The following TMEM131 variants were observed in gnomAD, a reference collection of about 807,000 sequenced individuals.
The protein encoded by TMEM131 is transmembrane protein 131.
A neutral mutation model predicts 211.6 loss-of-function variants in TMEM131; 66 were observed. The ratio of observed to expected loss-of-function variants is 0.31; its 90% confidence interval spans 0.26 to 0.38. The LOEUF (loss-of-function observed/expected upper bound fraction) is 0.38, where lower values mean the gene tolerates loss of function less well. Among genes scored for constraint, TMEM131 ranks in the 10% least tolerant of loss-of-function variants. The pLI is 1.00. For synonymous variants in TMEM131, 844 were observed against 841.3 expected (o/e 1.00, Z -0.06); for missense variants, 2,036 against 2,299.3 (o/e 0.89, Z 2.34).
chr2:97,788,575 G>A (rs1425527440), intron 31 of TMEM131, among the ~76,000 whole-genome samples: 9 of 152,032 alleles, frequency 5.9e-5, no homozygotes, highest in East Asian at 1.9e-4. Flanking sequence ...ACTGGGTCTC[G>A]GCCCACTCCA....
intron 25 of TMEM131, among the ~76,000 whole-genome samples, chr2:97,799,119 C>T (rs924750863): frequency 2.6e-5 from 4 of 151,754 alleles, no homozygotes; most frequent in Admixed American, 1.3e-4. Context: ...TACCGATAGA[C>T]GTTATTTGTC....
At chr2:97,908,145 GA>G (rs1178910300) in intron 3 of TMEM131, among the ~76,000 whole-genome samples, 1 of 152,196 alleles carries the variant, frequency 6.6e-6, no homozygotes, top group African/African-American at 2.4e-5. Context: ...GAGGAGGCAG[GA>G]AAAGTGTCTC....
chr2:97,976,960 C>CAA (rs34708023), intron 1 of TMEM131, among the ~76,000 whole-genome samples: 39,756 of 111,516 alleles, frequency 0.36, 6,914 homozygotes, highest in Middle Eastern at 0.44. Context: ...TATTTATATG[C>CAA]AAAAAAAAAA....
chr2:97,957,750 G>A (rs955941073), intron 1 of TMEM131, among the ~76,000 whole-genome samples: 6 of 152,184 alleles, frequency 3.9e-5, no homozygotes, highest in Admixed American at 6.5e-5. Context: ...TGGCTGCCAA[G>A]TATGTTGACA....
intron 1 of TMEM131, among the ~76,000 whole-genome samples, chr2:97,992,477 A>C (rs1311479116): frequency 6.6e-6 from 1 of 152,212 alleles, no homozygotes; most frequent in Non-Finnish European, 1.5e-5. Context: ...AATTAATAAA[A>C]CATGTGACAA....
chr2:97,952,774 G>A (rs1678381574), intron 1 of TMEM131, among the ~76,000 whole-genome samples: 1 of 152,130 alleles, frequency 6.6e-6, no homozygotes, highest in Admixed American at 6.5e-5. Context: ...AGCTACTCAG[G>A]AGGCTGAGGT....
chr2:97,760,594 T>C lies in TMEM131; in HGVS notation c.5107A>G (p.Ser1703Gly). ...GCGGTTAGTGGTGGTCTACCGTACC[T>C]GTCTGAGCCATCGCTGTCAACAGGA... ...HAPVDSDGSD[S>G]SGLWSPVSNP... The change falls in exon 38 of 41, where the codon AGC (serine) becomes GGC (glycine). Residue 1703 changes from serine (S) to glycine (G), a missense_variant and splice_region_variant. Physicochemically the swap from Ser to Gly is moderately conservative, Grantham distance 56 (BLOSUM62 0). This residue lies in a region of TMEM131 where 1,623 missense variants were observed against 1,805.9 expected (regional missense o/e 0.90). Coordinates refer to ENST00000186436, the MANE Select transcript of TMEM131 (RefSeq NM_015348.2). 1.2e-6 allele frequency: 2 copies of C among 1,609,564 alleles called. No individual in the cohort carries two copies. The highest frequency in any genetic ancestry group is 1.7e-6 in the Non-Finnish European group (2 of 1,177,784).
At chr2:97,900,943 T>C (rs1675827450) in intron 3 of TMEM131, among the ~76,000 whole-genome samples, 2 of 152,174 alleles carry the variant, frequency 1.3e-5, no homozygotes, top group African/African-American at 4.8e-5. Flanking sequence ...CATCTTTGTT[T>C]TGATTAGCAT....
At chr2:97,778,632 G>A (rs1422749966) in intron 31 of TMEM131, among the ~76,000 whole-genome samples, 1 of 152,020 alleles carries the variant, frequency 6.6e-6, no homozygotes, top group African/African-American at 2.4e-5. Context: ...TCAATATGCA[G>A]TCCTTCGACT....
intron 19 of TMEM131, among the ~76,000 whole-genome samples, chr2:97,809,407 C>T (rs1019152473): frequency 2.0e-5 from 3 of 152,150 alleles, no homozygotes; most frequent in Non-Finnish European, 4.4e-5. Flanking sequence ...ATCAGTGAGA[C>T]GTGTATTTCC....
At chr2:97,847,854 C>T (rs1176036698) in intron 5 of TMEM131, among the ~76,000 whole-genome samples, 6 of 151,938 alleles carry the variant, frequency 3.9e-5, no homozygotes, top group Non-Finnish European at 7.4e-5. Flanking sequence ...GAGAGTATTA[C>T]TTTTCTGTAC....
chr2:97,951,979 A>G (rs1290617591), intron 1 of TMEM131, among the ~76,000 whole-genome samples: 2 of 152,230 alleles, frequency 1.3e-5, no homozygotes, highest in Non-Finnish European at 2.9e-5. Flanking sequence ...CAACATGGTG[A>G]AACCCCATCT....
chr2:97,853,831 C>G (rs1240273561), intron 5 of TMEM131, among the ~76,000 whole-genome samples: 1 of 152,066 alleles, frequency 6.6e-6, no homozygotes, highest in Non-Finnish European at 1.5e-5. Context: ...CATGATAAAA[C>G]TTGAACGGAA....
rs758243822 is a variant in TMEM131 at position 97,841,952 on chromosome 2, G to GA, written c.601-16dup. ...ACACCAAATACCTGTTTCAGTGGAGGAAAAAAATGCAATTTTAGTTGCTTT... is the reference window on the plus strand; with the variant it reads ...ACACCAAATACCTGTTTCAGTGGAGGAAAAAAAATGCAATTTTAGTTGCTTT... On this transcript the variant is annotated splice_polypyrimidine_tract_variant and intron_variant, in intron 6 of 40. Transcript: ENST00000186436. 1.7e-5 allele frequency: 25 copies of GA among 1,504,762 alleles called. No individual in the cohort carries two copies. Among genetic ancestry groups the GA allele is most frequent in the Non-Finnish European group, 2.1e-5 (23 of 1,121,728 alleles). The allele number at this position is 1,504,762 out of a possible 1,614,324, so 93.2% of individuals were successfully genotyped here. A position where few individuals can be genotyped will look rare whatever the true frequency, so the allele number is the denominator to read the frequency against.
chr2:97,844,034 T>A (rs1427307447), intron 6 of TMEM131, 111 bp downstream of exon 6: 3 of 366,504 alleles, frequency 8.2e-6, no homozygotes, highest in African/African-American at 6.3e-5. Flanking sequence ...AAGTCTAAAC[T>A]CCTACATTTT....
chr2:97,766,669 G>T (rs1679183515), intron 33 of TMEM131, 67 bp from the exon 34 acceptor site: 2 of 1,572,678 alleles, frequency 1.3e-6, no homozygotes, highest in Non-Finnish European at 1.7e-6. Flanking sequence ...AAGTCATTAA[G>T]ATTGTAATTC....
chr2:97,952,693 A>C (rs1434654604), intron 1 of TMEM131, among the ~76,000 whole-genome samples: 1 of 152,200 alleles, frequency 6.6e-6, no homozygotes, highest in Non-Finnish European at 1.5e-5. Flanking sequence ...CCTGGGCAAC[A>C]CAGTGAGACT....
chr2:97,802,323 T>G (rs1384437607), intron 24 of TMEM131, 105 bp downstream of exon 24: 5 of 893,400 alleles, frequency 5.6e-6, no homozygotes, highest in Non-Finnish European at 8.4e-6. Flanking sequence ...GAACTTCTCG[T>G]CAAATCTATT....
chr2:97,791,367 G>C (rs1680490729), intron 31 of TMEM131, among the ~76,000 whole-genome samples: 1 of 152,206 alleles, frequency 6.6e-6, no homozygotes, highest in Non-Finnish European at 1.5e-5. Context: ...TCCCAGATTA[G>C]ATAGTAAGAA....
Sources: gnomAD v4.1 joint callset for allele counts (sites outside exome capture counted in the v4.1 genomes callset) on GRCh38, gnomAD v4.1.1 for gene constraint, gnomAD v4.1.1 regional missense constraint, MANE v1.5 for transcripts, NCBI Gene and HGNC (gene_info 2026-07-23, HGNC 2026-07-21) for gene names.